The following CATSPER4 variants were observed in gnomAD, a reference collection of about 807,000 sequenced individuals.
The protein encoded by CATSPER4 is cation channel sperm-associated protein 4.
CATSPER4 carries 46 observed loss-of-function variants against 54.4 expected under a neutral mutation model. That is an observed-to-expected ratio of 0.84 (90% confidence interval 0.67 to 1.08). The LOEUF (loss-of-function observed/expected upper bound fraction) is 1.08, where lower values mean the gene tolerates loss of function less well. Among genes scored for constraint, CATSPER4 ranks in the 50% least tolerant of loss-of-function variants. The pLI, the probability that CATSPER4 is intolerant of heterozygous loss-of-function variation, is 0.00. For synonymous variants in CATSPER4, 230 were observed against 231.9 expected (o/e 0.99, Z 0.08); for missense variants, 574 against 612.8 (o/e 0.94, Z 0.67).
chr1:26,191,188 A>T, intron 1 of CATSPER4, 99 bp from the exon 2 acceptor site: 1 of 1,416,268 alleles, frequency 7.1e-7, no homozygotes, highest in Non-Finnish European at 9.8e-7. Context: ...TCCCCCCTCT[A>T]GAGTGGGCCC....
rs1470217112 is a variant in CATSPER4, at chr1:26,201,333, C to T, written c.1200-21C>T. 1.3e-5 allele frequency: 21 copies of T among 1,613,028 alleles called. No individual in the cohort carries two copies. The Admixed American group carries it at 1.5e-4, about 12-fold the overall frequency. Reference sequence around the variant, plus strand: ...CCCTCCCCTGAGGCCTTCTGAAAGGCACTCACTGCTCCACCCCCAGGATTG... The same window carrying T: ...CCCTCCCCTGAGGCCTTCTGAAAGGTACTCACTGCTCCACCCCCAGGATTG... On this transcript the variant is annotated intron_variant, in intron 8 of 9. Transcript: ENST00000456354.
chr1:26,198,135 A>C, intron 5 of CATSPER4, 58 bp downstream of exon 5: 1 of 1,614,052 alleles, frequency 6.2e-7, no homozygotes. Flanking sequence ...CCCTTGGGTC[A>C]TTGCAAATAG....
At position 26,201,547 on chromosome 1, in the gene CATSPER4, G is replaced by A. The variant is rs773439353; in HGVS notation, c.1365+28G>A. 33 of 1,612,414 alleles carry A rather than the reference G, an allele frequency of 2.0e-5. No individual in the cohort carries two copies. The South Asian group carries it at 3.6e-4, about 18-fold the overall frequency. On this transcript the variant is annotated intron_variant, in intron 9 of 9. Transcript: ENST00000456354. ...GTGCCTTCCTTCTCCTACCCAATGG[G>A]TACTCGCCCTGACACTCTGCTCAGC...
Position 26,200,895 on chromosome 1 carries a change from G to C in CATSPER4, c.1053G>C (p.Ser351=). 6.2e-7 allele frequency: 1 copy of C among 1,614,132 alleles called. No homozygotes were observed. Among genetic ancestry groups the C allele is most frequent in the Non-Finnish European group, 8.5e-7 (1 of 1,180,018 alleles). The change falls in exon 8 of 10, where the codon TCG becomes TCC. Residue 351 remains serine, a synonymous_variant. Transcript: ENST00000456354. ...LPLVHCVVAR[S]EKSGLLQEPL... Reference sequence around the variant, plus strand: ...TGGTGCATTGTGTGGTCGCCCGCTCGGAGAAATCTGGTCTCCTCCAGGAAC... The same window carrying C: ...TGGTGCATTGTGTGGTCGCCCGCTCCGAGAAATCTGGTCTCCTCCAGGAAC...
In CATSPER4 at chr1:26,198,091, C is replaced by T. The variant is rs1170511514; in HGVS notation, c.678+14C>T. The T allele has an allele frequency of 1.4e-5, 22 of 1,614,090 alleles. No homozygotes were observed. Among genetic ancestry groups the T allele is most frequent in the Non-Finnish European group, 1.8e-5 (21 of 1,180,042 alleles). ...TTCTTCATGCTGGTCAGTGCCTGCC[C>T]CCGCCCCCAGCTGTTTCCCTTCCCT... On this transcript the variant is annotated intron_variant, in intron 5 of 9. Transcript: ENST00000456354.
Position 26,198,330 on chromosome 1 carries a change from C to A in CATSPER4, c.723C>A (p.Pro241=). Residue 241 remains proline, a synonymous_variant, in exon 6 of 10, where the codon CCC becomes CCA. Transcript: ENST00000456354. ...TAACACTCTTTGGTGCATTCGTGCC[C>A]AAGCATTTCCAGAACATACAGGTTG... ...FGVTLFGAFV[P]KHFQNIQVAL... 7 of 1,614,176 alleles carry A rather than the reference C, an allele frequency of 4.3e-6. No individual in the cohort carries two copies. The highest frequency in any genetic ancestry group is 5.9e-6 in the Non-Finnish European group (7 of 1,180,044).
In CATSPER4 at chr1:26,198,207, G is replaced by A. The variant is rs562179031; in HGVS notation, c.679-79G>A. The A allele has an allele frequency of 6.5e-5, 105 of 1,613,526 alleles. 2 individuals are homozygous for A. The South Asian group carries it at 1.1e-3, about 16-fold the overall frequency. On this transcript the variant is annotated intron_variant, in intron 5 of 9. Coordinates refer to ENST00000456354, the MANE Select transcript of CATSPER4 (RefSeq NM_198137.2). ...GAATCCCTGTGATTTCCTCAGCAGC[G>A]TTCATTTACATGACATTTGTGTGTC...
chr1:26,191,337 G>A lies in CATSPER4; in HGVS notation c.264G>A (p.Leu88=), dbSNP rs1179800367. 2 of 1,614,162 alleles carry A rather than the reference G, an allele frequency of 1.2e-6. No individual in the cohort carries two copies. ...TCACTCACATGTACATCAAGCAGCTGCTCCGACACCCCGCCTTCCAACTGC... is the reference window on the plus strand; with the variant it reads ...TCACTCACATGTACATCAAGCAGCTACTCCGACACCCCGCCTTCCAACTGC... The part of the protein sequence containing the change: ...EFITHMYIKQ[L]LRHPAFQLLL... Residue 88 remains leucine (L), a synonymous_variant, in exon 2 of 10, where the codon CTG becomes CTA. Coordinates refer to ENST00000456354, the MANE Select transcript of CATSPER4 (RefSeq NM_198137.2).
chr1:26,201,026 G>A lies in CATSPER4; in HGVS notation c.1184G>A (p.Arg395Gln), dbSNP rs1386576322. The A allele has an allele frequency of 2.2e-5, 35 of 1,613,620 alleles. No individual in the cohort carries two copies. The highest frequency in any genetic ancestry group is 2.8e-5 in the Non-Finnish European group (33 of 1,179,634). ...AACCTGAGGCAGTACAAGGAGATCC[G>A]AGATGAACTCAACATGTAGGGGAGG... ...QENLRQYKEI[R>Q]DELNMIVEEV... is the part of the protein sequence containing the mutation. The change falls in exon 8 of 10, where the codon CGA (arginine) becomes CAA (glutamine). Residue 395 changes from arginine (R) to glutamine (Q), a missense_variant. By Grantham distance (43) the Arg-to-Gln change is conservative. Transcript: ENST00000456354.
rs769908264 is a variant in CATSPER4 at position 26,202,518 on chromosome 1, TA to T, written c.1401del (p.Lys467AsnfsTer78). ...ATGACTCTAGCTCACAAATACTCCT[TA>T]AAAAACACAAGAGCAGCCACTGAGA... ...VHDSSSQILL[K>X]KHKSSH On this transcript the variant is annotated frameshift_variant, in exon 10 of 10. Coordinates refer to ENST00000456354, the MANE Select transcript of CATSPER4 (RefSeq NM_198137.2). LOFTEE classifies it high-confidence loss of function. 2 of 1,611,242 alleles carry T rather than the reference TA, an allele frequency of 1.2e-6. No individual in the cohort carries two copies. The highest frequency in any genetic ancestry group is 2.2e-5 in the South Asian group (2 of 90,564).
intron 8 of CATSPER4, 139 bp downstream of exon 8, chr1:26,201,180 G>T: frequency 1.1e-6 from 1 of 951,356 alleles, no homozygotes; most frequent in Non-Finnish European, 1.7e-6. Context: ...TATTGGTGGA[G>T]GAACTGGAAT....
rs751327394 is a variant in CATSPER4 at position 26,191,391 on chromosome 1, C to T, written c.318C>T (p.Ala106=). The T allele has an allele frequency of 6.2e-7, 1 of 1,614,190 alleles. No individual in the cohort carries two copies. Among genetic ancestry groups the T allele is most frequent in the South Asian group, 1.1e-5 (1 of 91,088 alleles). ...TGGCCCTGCTGCTGGTGATCAATGC[C>T]ATCACCATCGCTCTCCGTACCAACT... is the stretch of plus-strand genomic sequence containing the variant. The part of the protein sequence containing the change: ...LLLALLLVIN[A]ITIALRTNSY... Residue 106 remains alanine (A), a synonymous_variant, in exon 2 of 10, where the codon GCC becomes GCT. Transcript: ENST00000456354.
intron 8 of CATSPER4, 36 bp from the exon 9 acceptor site, chr1:26,201,318 A>G (rs1889755): frequency 1.2e-6 from 2 of 1,608,582 alleles, no homozygotes; most frequent in Non-Finnish European, 1.7e-6. Flanking sequence ...CCCTCCCCTG[A>G]GGCCTTCTGA....
chr1:26,191,191 G>A, intron 1 of CATSPER4, 96 bp from the exon 2 acceptor site: 1 of 1,444,766 alleles, frequency 6.9e-7, no homozygotes, highest in South Asian at 1.2e-5. Flanking sequence ...CCCCTCTAGA[G>A]TGGGCCCCAG....
In CATSPER4 at chr1:26,202,563, G is replaced by C; in HGVS notation, c.*21G>C. 9 of 1,605,614 alleles carry C rather than the reference G, an allele frequency of 5.6e-6. No individual in the cohort carries two copies. Among genetic ancestry groups the C allele is most frequent in the South Asian group, 1.1e-5 (1 of 89,924 alleles). Reference sequence around the variant, plus strand: ...ACTGAGAGGCCAGGATGGGAGCCAAGGGGCCTGCACACACACACCCAGCCG... The same window carrying C: ...ACTGAGAGGCCAGGATGGGAGCCAACGGGCCTGCACACACACACCCAGCCG... On this transcript the variant is annotated 3_prime_UTR_variant, in exon 10 of 10. Coordinates refer to ENST00000456354, the MANE Select transcript of CATSPER4 (RefSeq NM_198137.2).
At chr1:26,197,290 A>C (rs1379388031) in intron 3 of CATSPER4, among the ~76,000 whole-genome samples, 1 of 152,108 alleles carries the variant, frequency 6.6e-6, no homozygotes, top group Non-Finnish European at 1.5e-5. Flanking sequence ...TTTTACTAGT[A>C]TCCATTTTCA....
intron 6 of CATSPER4, among the ~76,000 whole-genome samples, chr1:26,198,905 G>A (rs2124528265): frequency 6.6e-6 from 1 of 152,276 alleles, no homozygotes; most frequent in African/African-American, 2.4e-5. Context: ...CAGAAAGTGG[G>A]ACCCCTTAAC....
At chr1:26,199,293 G>A (rs756974023) in intron 6 of CATSPER4, among the ~76,000 whole-genome samples, 5 of 151,928 alleles carry the variant, frequency 3.3e-5, no homozygotes, top group East Asian at 1.9e-4. Context: ...AAAATTAGCC[G>A]GACGGTGGGG....
At chr1:26,201,253 C>A in intron 8 of CATSPER4, 101 bp from the exon 9 acceptor site, 1 of 1,310,086 alleles carries the variant, frequency 7.6e-7, no homozygotes, top group Non-Finnish European at 1.1e-6. Context: ...TCTGTCAGGG[C>A]TGCGTGGGAG....
Sources: allele counts gnomAD v4.1 joint callset (sites outside exome capture counted in the v4.1 genomes callset), GRCh38; gene constraint gnomAD v4.1.1; transcripts MANE v1.5; gene names NCBI Gene and HGNC (gene_info 2026-07-23, HGNC 2026-07-21).